Variants in ZFP91 observed in about 807,000 individuals in gnomAD.
ZFP91 encodes the protein ZFP91 zinc finger protein, atypical E3 ubiquitin ligase, also known as E3 ubiquitin-protein ligase ZFP91.
Under a neutral mutation model 63.5 loss-of-function variants are expected in ZFP91, and 7 were observed. The observed-to-expected ratio is 0.11, with a 90% CI of 0.06 to 0.21. The LOEUF is 0.21. ZFP91 is among the 10% of genes least tolerant of loss of function. The pLI, the probability that ZFP91 is intolerant of heterozygous loss-of-function variation, is 1.00. For synonymous variants in ZFP91, 330 were observed against 272.1 expected (o/e 1.21, Z -2.10); for missense variants, 628 against 736.6 (o/e 0.85, Z 1.71).
At position 58,620,236 on chromosome 11, in the gene ZFP91, A is replaced by T. The variant is rs569580615; in HGVS notation, c.*2530A>T. ...TATAGACTTTATATTTTTCCTTTTG[A>T]TAAAGGGATGCTGCATAGTAGAGTT... On this transcript the variant is annotated 3_prime_UTR_variant, in exon 11 of 11. Coordinates refer to ENST00000316059, the MANE Select transcript of ZFP91 (RefSeq NM_053023.5). 6.6e-6 allele frequency: 1 copy of T among 152,278 alleles called. No individual in the cohort carries two copies. Among genetic ancestry groups the T allele is most frequent in the Middle Eastern group, 3.4e-3 (1 of 294 alleles). The allele number at this position is 152,278 out of a possible 1,614,324, so 9.4% of individuals were successfully genotyped here.
In ZFP91 at chr11:58,617,728, T is replaced by C. The variant is rs1855773333; in HGVS notation, c.*22T>C. ...TTAGTGGACAGGAAGACTTGGGGCA[T>C]GGGACAGCTCAGACTTTGTATTTAA... On this transcript the variant is annotated 3_prime_UTR_variant, in exon 11 of 11. Coordinates refer to ENST00000316059, the MANE Select transcript of ZFP91 (RefSeq NM_053023.5). The surrounding 1 kb of genome is among the most constrained non-coding windows in gnomAD (Gnocchi z 4.2). 6.7e-7 allele frequency: 1 copy of C among 1,489,620 alleles called. No individual in the cohort carries two copies. 92.3% of individuals were successfully genotyped at this position (1,489,620 alleles called of 1,614,324 possible). A position where few individuals can be genotyped will look rare whatever the true frequency, so the allele number is the denominator to read the frequency against.
At position 58,579,566 on chromosome 11, in the gene ZFP91, G is replaced by A; in HGVS notation, c.285G>A (p.Gln95=). The A allele has an allele frequency of 6.3e-7, 1 of 1,585,026 alleles. No homozygotes were observed. Among genetic ancestry groups the A allele is most frequent in the Non-Finnish European group, 8.6e-7 (1 of 1,168,900 alleles). ...GGCCTCCCGACGTCCCCGGGCAGCA[G>A]CCCCAGGCCGCGAAGTCCCCGTCTC... The part of the protein sequence containing the change: ...SARPPDVPGQ[Q]PQAAKSPSPV... The change falls in exon 1 of 11, where the codon CAG becomes CAA. Residue 95 remains glutamine (Q), a synonymous_variant. Coordinates refer to ENST00000316059, the MANE Select transcript of ZFP91 (RefSeq NM_053023.5).
intron 1 of ZFP91, among the ~76,000 whole-genome samples, chr11:58,581,697 A>G (rs926366359): frequency 2.0e-5 from 3 of 152,222 alleles, no homozygotes; most frequent in African/African-American, 7.2e-5. Context: ...AATAATTTTT[A>G]TCTAAAACAG....
intron 2 of ZFP91, among the ~76,000 whole-genome samples, chr11:58,594,294 C>T: frequency 6.6e-6 from 1 of 152,202 alleles, no homozygotes; most frequent in South Asian, 2.1e-4. Context: ...TTTCTCCTGC[C>T]CCTTCTTTAT....
At chr11:58,607,764 A>G (rs1369719771) in intron 2 of ZFP91, among the ~76,000 whole-genome samples, 2 of 152,148 alleles carry the variant, frequency 1.3e-5, no homozygotes, top group African/African-American at 2.4e-5. Context: ...TTTTTTATAC[A>G]TTTAACAATA....
chr11:58,591,832 G>A (rs1270017608), intron 2 of ZFP91, among the ~76,000 whole-genome samples: 1 of 152,030 alleles, frequency 6.6e-6, no homozygotes, highest in Non-Finnish European at 1.5e-5. Flanking sequence ...CCAATGTAGC[G>A]AACCTTGCAC....
chr11:58,579,275 A>G lies in ZFP91; in HGVS notation c.-7A>G. Reference sequence around the variant, plus strand: ...AGGACTAGGGGGTGGGGGACGGACAAGCCCCGATGCCGGGGGAGACGGAAG... The same window carrying G: ...AGGACTAGGGGGTGGGGGACGGACAGGCCCCGATGCCGGGGGAGACGGAAG... On this transcript the variant is annotated 5_prime_UTR_variant, in exon 1 of 11. Coordinates refer to ENST00000316059, the MANE Select transcript of ZFP91 (RefSeq NM_053023.5). 1.4e-6 allele frequency: 2 copies of G among 1,437,394 alleles called. No individual in the cohort carries two copies. The highest frequency in any genetic ancestry group is 1.5e-5 in the African/African-American group (1 of 65,780). 89.0% of individuals were successfully genotyped at this position (1,437,394 alleles called of 1,614,324 possible). A position where few individuals can be genotyped will look rare whatever the true frequency, so the allele number is the denominator to read the frequency against.
intron 2 of ZFP91, among the ~76,000 whole-genome samples, chr11:58,598,929 G>A (rs1166201579): frequency 6.6e-6 from 1 of 151,960 alleles, no homozygotes; most frequent in East Asian, 1.9e-4. Flanking sequence ...CAACAAAGGA[G>A]ACCCCTGTAC....
At chr11:58,603,936 A>G (rs1855531303) in intron 2 of ZFP91, among the ~76,000 whole-genome samples, 1 of 152,196 alleles carries the variant, frequency 6.6e-6, no homozygotes. Context: ...AGTCTCATTC[A>G]TAACTGATCT....
rs766682902 is a variant in ZFP91 at position 58,579,654 on chromosome 11, A to T, written c.341+32A>T. On this transcript the variant is annotated intron_variant, in intron 1 of 10. Coordinates refer to ENST00000316059, the MANE Select transcript of ZFP91 (RefSeq NM_053023.5). ...AACAGTCTTTCAGGCGGTGGGAAAG[A>T]CCCCCCTCTGTCCGTACGCAACCCT... is the stretch of plus-strand genomic sequence containing the variant. 2.0e-6 allele frequency: 3 copies of T among 1,499,070 alleles called. No individual in the cohort carries two copies. In the South Asian group the frequency reaches 3.9e-5, roughly 19 times the overall value. 92.9% of individuals were successfully genotyped at this position (1,499,070 alleles called of 1,614,324 possible).
At chr11:58,599,699 G>A (rs1855462281) in intron 2 of ZFP91, among the ~76,000 whole-genome samples, 1 of 151,730 alleles carries the variant, frequency 6.6e-6, no homozygotes, top group Non-Finnish European at 1.5e-5. Flanking sequence ...TTCTCTTTTT[G>A]TTGTTAAATC....
At chr11:58,615,790 T>A (rs1444946049) in intron 9 of ZFP91, among the ~76,000 whole-genome samples, 1 of 152,220 alleles carries the variant, frequency 6.6e-6, no homozygotes, top group East Asian at 1.9e-4. Context: ...ATCCAGGTGA[T>A]CTCTAAGCTG....
chr11:58,599,376 C>T (rs1007466360), intron 2 of ZFP91, among the ~76,000 whole-genome samples: 2 of 152,044 alleles, frequency 1.3e-5, no homozygotes, highest in Non-Finnish European at 2.9e-5. Context: ...TTTTTCTTAA[C>T]ATTTTTCTTA....
intron 6 of ZFP91, 117 bp from the exon 7 acceptor site, chr11:58,612,161 T>C (rs1440754099): frequency 9.8e-7 from 1 of 1,015,674 alleles, no homozygotes; most frequent in African/African-American, 1.6e-5. Flanking sequence ...TATGTATTCT[T>C]GGTTATCCTT....
At chr11:58,602,421 T>C (rs935302319) in intron 2 of ZFP91, among the ~76,000 whole-genome samples, 1 of 151,854 alleles carries the variant, frequency 6.6e-6, no homozygotes, top group African/African-American at 2.4e-5. Context: ...TTGCTATGTA[T>C]GTTATATGTT....
intron 6 of ZFP91, chr11:58,611,939 A>G (rs996065067): frequency 5.0e-6 from 3 of 597,118 alleles, no homozygotes; most frequent in South Asian, 2.9e-5. Flanking sequence ...TTTCAGTTCT[A>G]TTGCAAGGAG....
chr11:58,612,245 A>G (rs1299535682), intron 6 of ZFP91, 33 bp from the exon 7 acceptor site: 1 of 1,610,924 alleles, frequency 6.2e-7, no homozygotes, highest in East Asian at 2.2e-5. Flanking sequence ...TTGATTCAGA[A>G]TATGTCTACT....
intron 2 of ZFP91, among the ~76,000 whole-genome samples, chr11:58,590,539 G>T (rs1412964738): frequency 6.6e-6 from 1 of 152,040 alleles, no homozygotes; most frequent in African/African-American, 2.4e-5. Context: ...TTGTATTTCT[G>T]TATATCAGCA....
At chr11:58,612,517 A>C in intron 7 of ZFP91, 189 bp downstream of exon 7, 1 of 637,456 alleles carries the variant, frequency 1.6e-6, no homozygotes, top group Admixed American at 3.2e-5. Flanking sequence ...AATTTCTAAC[A>C]ATCTTAATAC....
Sources: allele counts gnomAD v4.1 joint callset (sites outside exome capture counted in the v4.1 genomes callset), GRCh38; gene constraint gnomAD v4.1.1; non-coding constraint Gnocchi (gnomAD v3.1); transcripts MANE v1.5; gene names NCBI Gene and HGNC (gene_info 2026-07-23, HGNC 2026-07-21).